Variants in PARP1 observed in about 807,000 individuals in gnomAD.
The protein encoded by PARP1 is poly [ADP-ribose] polymerase 1.
Under a neutral mutation model 118.7 loss-of-function variants are expected in PARP1, and 44 were observed. That is an observed-to-expected ratio of 0.37 (90% CI 0.29 to 0.48). The LOEUF (loss-of-function observed/expected upper bound fraction) is 0.48. Among genes scored for constraint, PARP1 ranks in the 20% least tolerant of loss-of-function variants. The pLI, the probability that PARP1 is intolerant of heterozygous loss-of-function variation, is 0.99. For synonymous variants in PARP1, 492 were observed against 483.2 expected (o/e 1.02, Z -0.24); for missense variants, 1,100 against 1,272.4 (o/e 0.86, Z 2.06).
chr1:226,406,458 T>C (rs544952714), intron 1 of PARP1, among the ~76,000 whole-genome samples: 2 of 152,314 alleles, frequency 1.3e-5, no homozygotes, highest in Admixed American at 1.3e-4. Flanking sequence ...TCTACTTCCC[T>C]ATTCTCATCT....
intron 12 of PARP1, 27 bp from the exon 13 acceptor site, chr1:226,377,330 ACACATGTGTG>A (rs758633525): frequency 5.1e-6 from 8 of 1,578,532 alleles, no homozygotes; most frequent in Non-Finnish European, 7.0e-6. Flanking sequence ...GGTGTCAGAT[ACACATGTGTG>A]GGTCAGCTGT....
At chr1:226,391,538 T>TTGC (rs1664819803) in intron 3 of PARP1, among the ~76,000 whole-genome samples, 2 of 152,194 alleles carry the variant, frequency 1.3e-5, no homozygotes, top group African/African-American at 4.8e-5. Flanking sequence ...ATCTTAATGT[T>TTGC]TGCCTTAAAT....
At chr1:226,392,056 T>C (rs1355562133) in intron 3 of PARP1, 143 bp downstream of exon 3, 3 of 723,900 alleles carry the variant, frequency 4.1e-6, no homozygotes, top group Non-Finnish European at 7.6e-6. Flanking sequence ...ATCTGGTCAA[T>C]ACTAATGTCT....
Position 226,366,035 on chromosome 1 carries a change from A to G in PARP1, c.2424T>C (p.Ser808=), listed in dbSNP as rs1336723314. The change falls in exon 18 of 23, where the codon TCT becomes TCC. Residue 808 remains serine (S), a synonymous_variant. Coordinates refer to ENST00000366794, the MANE Select transcript of PARP1 (RefSeq NM_001618.4). ...ACTTCCTGATGATCTCGGCTTCTTC[A>G]GAATCTCTGTCAACCACCTGGATAA... ...KTDIKVVDRD[S]EEAEIIRKYV... is the part of the protein sequence containing the mutation. The G allele has an allele frequency of 1.2e-6, 2 of 1,612,540 alleles. No homozygotes were observed. Among genetic ancestry groups the G allele is most frequent in the Non-Finnish European group, 1.7e-6 (2 of 1,178,522 alleles).
intron 22 of PARP1, chr1:226,361,759 A>G: frequency 1.5e-6 from 1 of 663,592 alleles, no homozygotes; most frequent in Non-Finnish European, 2.7e-6. Context: ...TGAGGAGAGG[A>G]GATCATCCTC....
intron 7 of PARP1, among the ~76,000 whole-genome samples, chr1:226,384,301 A>G (rs1664676258): frequency 6.6e-6 from 1 of 152,260 alleles, no homozygotes; most frequent in African/African-American, 2.4e-5. Flanking sequence ...AGGGTGGCAG[A>G]AAAAGGCTGC....
Position 226,381,180 on chromosome 1 carries a change from C to T in PARP1, c.1188G>A (p.Leu396=). 6.2e-7 allele frequency: 1 copy of T among 1,614,154 alleles called. No individual in the cohort carries two copies. Among genetic ancestry groups the T allele is most frequent in the Non-Finnish European group, 8.5e-7 (1 of 1,180,004 alleles). Residue 396 remains leucine (L), a synonymous_variant, in exon 9 of 23, where the codon CTG becomes CTA. Transcript: ENST00000366794. The part of the protein sequence containing the change: ...ADKPLSNMKI[L]TLGKLSRNKD... ...TGTTCCGGGACAGCTTCCCGAGAGT[C>T]AGGATCTTCATGTTGGATAATGGCT...
At chr1:226,398,142 C>T (rs1664962416) in intron 2 of PARP1, among the ~76,000 whole-genome samples, 1 of 152,086 alleles carries the variant, frequency 6.6e-6, no homozygotes, top group Non-Finnish European at 1.5e-5. Context: ...GCCCAATCCA[C>T]TAAAGAAGTA....
chr1:226,407,871 G>C lies in PARP1; in HGVS notation c.59C>G (p.Ser20Cys). 6.2e-7 allele frequency: 1 copy of C among 1,610,800 alleles called. No homozygotes were observed. Among genetic ancestry groups the C allele is most frequent in the Non-Finnish European group, 8.5e-7 (1 of 1,178,532 alleles). ...RVEYAKSGRA[S>C]CKKCSESIPK... ...GATGCTCTCGCTGCATTTCTTGCAA[G>C]AGGCGCGCCCGCTCTTGGCGTACTC... Residue 20 changes from serine to cysteine, a missense_variant, in exon 1 of 23, where the codon TCT becomes TGT. Around this residue, in one of 2 missense-constraint regions of PARP1, gnomAD observed 948 missense variants for 1,031.8 expected, o/e 0.92. Coordinates refer to ENST00000366794, the MANE Select transcript of PARP1 (RefSeq NM_001618.4).
intron 15 of PARP1, among the ~76,000 whole-genome samples, chr1:226,369,605 C>T (rs1664337569): frequency 6.6e-6 from 1 of 152,170 alleles, no homozygotes; most frequent in Admixed American, 6.5e-5. Flanking sequence ...ATACAGTTAG[C>T]TCTCTACACC....
intron 19 of PARP1, chr1:226,364,320 T>C (rs779596708): frequency 6.7e-6 from 3 of 449,504 alleles, no homozygotes; most frequent in Non-Finnish European, 1.3e-5. Flanking sequence ...TTGCCTCTTT[T>C]CTCAAATGGG....
intron 7 of PARP1, among the ~76,000 whole-genome samples, chr1:226,383,899 G>C (rs1393769568): frequency 1.3e-5 from 2 of 152,202 alleles, no homozygotes; most frequent in Non-Finnish European, 2.9e-5. Context: ...TTAGATACAA[G>C]AGGTCACAGA....
At chr1:226,402,823 C>T (rs895048773) in intron 1 of PARP1, among the ~76,000 whole-genome samples, 2 of 152,254 alleles carry the variant, frequency 1.3e-5, no homozygotes, top group Non-Finnish European at 2.9e-5. Context: ...CTTGCCTGGA[C>T]TCAAAGGGCC....
chr1:226,377,940 C>G (rs758337915), intron 12 of PARP1, among the ~76,000 whole-genome samples: 4 of 151,898 alleles, frequency 2.6e-5, no homozygotes, highest in Non-Finnish European at 5.9e-5. Flanking sequence ...TATCATAAAC[C>G]CACATACAAG....
intron 9 of PARP1, among the ~76,000 whole-genome samples, chr1:226,380,537 C>T (rs1056140461): frequency 6.6e-6 from 1 of 152,228 alleles, no homozygotes; most frequent in Non-Finnish European, 1.5e-5. Context: ...TTTTACCCTA[C>T]CTTTTCCAAA....
intron 8 of PARP1, 27 bp from the exon 9 acceptor site, chr1:226,381,235 G>T: frequency 6.2e-7 from 1 of 1,614,130 alleles, no homozygotes; most frequent in Non-Finnish European, 8.5e-7. Context: ...GAATCATTCA[G>T]CAAGGCCAGC....
rs1193588834 is a variant in PARP1 at position 226,361,222 on chromosome 1, T to C, written c.*238A>G. 3.4e-6 allele frequency: 2 copies of C among 580,762 alleles called. No individual in the cohort carries two copies. The highest frequency in any genetic ancestry group is 6.2e-6 in the Non-Finnish European group (2 of 324,128). 36.0% of individuals were successfully genotyped at this position (580,762 alleles called of 1,614,324 possible). On this transcript the variant is annotated 3_prime_UTR_variant, in exon 23 of 23. Transcript: ENST00000366794. Reference sequence around the variant, plus strand: ...GCCTTTTCTCTATGTCAGTTTTATCTACCTGGCAAGAAAAAACAAAAACAA... The same window carrying C: ...GCCTTTTCTCTATGTCAGTTTTATCCACCTGGCAAGAAAAAACAAAAACAA...
chr1:226,388,825 A>G, intron 4 of PARP1, 70 bp from the exon 5 acceptor site: 1 of 1,136,734 alleles, frequency 8.8e-7, no homozygotes, highest in African/African-American at 1.5e-5. Context: ...ACTTGCGGTG[A>G]TGCAGTATCT....
At chr1:226,370,249 A>T (rs576652242) in intron 15 of PARP1, among the ~76,000 whole-genome samples, 185 bp downstream of exon 15, 2 of 152,290 alleles carry the variant, frequency 1.3e-5, no homozygotes, top group East Asian at 3.9e-4. Context: ...TTTTGTGATA[A>T]ACTTTTGTAA....
Sources: allele counts gnomAD v4.1 joint callset (sites outside exome capture counted in the v4.1 genomes callset), GRCh38; gene constraint gnomAD v4.1.1; regional missense constraint gnomAD v4.1.1; transcripts MANE v1.5; gene names NCBI Gene and HGNC (gene_info 2026-07-23, HGNC 2026-07-21).